The following ADCY8 variants were observed in gnomAD, a reference collection of about 807,000 sequenced individuals.
ADCY8 encodes the protein adenylate cyclase 8, also known as adenylate cyclase type 8.
In ADCY8, 51 loss-of-function variants were observed where a neutral mutation model predicts 119.7. The ratio of observed to expected loss-of-function variants is 0.43; its 90% CI spans 0.34 to 0.54. The LOEUF (loss-of-function observed/expected upper bound fraction) is 0.54. Among genes scored for constraint, ADCY8 ranks in the 20% least tolerant of loss-of-function variants. The pLI, the probability that ADCY8 is intolerant of heterozygous loss-of-function variation, is 0.03. For missense variants in ADCY8, 1,383 were observed against 1,598.8 expected, an observed-to-expected ratio of 0.87 and a Z score of 2.30; for synonymous variants, 665 against 651.0, an observed-to-expected ratio of 1.02 and a Z score of -0.33.
intron 14 of ADCY8, among the ~76,000 whole-genome samples, chr8:130,803,348 T>C (rs1433364280): frequency 6.6e-6 from 1 of 152,196 alleles, no homozygotes; most frequent in Admixed American, 6.5e-5. Flanking sequence ...AACTCTACAG[T>C]ATAGCCCTTG....
At chr8:130,918,908 A>G (rs1820212420) in intron 5 of ADCY8, among the ~76,000 whole-genome samples, 2 of 152,316 alleles carry the variant, frequency 1.3e-5, no homozygotes, top group South Asian at 4.1e-4. Context: ...TAAAAATACA[A>G]AAATTAGCTG....
chr8:130,828,920 C>T (rs1816745661), intron 12 of ADCY8, among the ~76,000 whole-genome samples: 1 of 152,132 alleles, frequency 6.6e-6, no homozygotes, highest in Non-Finnish European at 1.5e-5. Flanking sequence ...AGCACACTTC[C>T]TTTATAAAGG....
chr8:130,895,935 G>A lies in ADCY8; in HGVS notation c.1911+7837C>T, dbSNP rs567577217. Among the ~76,000 whole-genome samples the A allele has an allele frequency of 3.2e-3, 480 of 152,242 alleles. 7 individuals are homozygous for A. Among genetic ancestry groups the A allele is most frequent in the Non-Finnish European group, 1.9e-3 (126 of 67,998 alleles). Reference sequence around the variant, plus strand: ...AAGATCAAGATTCAATATTTCAGGTGTTTTTAGGGGGAGGAATTTCAGGTC... The same window carrying A: ...AAGATCAAGATTCAATATTTCAGGTATTTTTAGGGGGAGGAATTTCAGGTC... On this transcript the variant is annotated intron_variant, in intron 7 of 17. Coordinates refer to ENST00000286355, the MANE Select transcript of ADCY8 (RefSeq NM_001115.3).
chr8:131,026,002 C>T (rs572983833), intron 1 of ADCY8, among the ~76,000 whole-genome samples: 14 of 152,248 alleles, frequency 9.2e-5, no homozygotes, highest in Non-Finnish European at 2.1e-4. Flanking sequence ...AGCACCCCTA[C>T]TGCCTGCATG....
intron 7 of ADCY8, among the ~76,000 whole-genome samples, chr8:130,886,432 G>C (rs141735019): frequency 6.6e-6 from 1 of 152,072 alleles, no homozygotes; most frequent in Non-Finnish European, 1.5e-5. Flanking sequence ...GGATACATGC[G>C]GGGCCAGAGA....
At chr8:130,986,199 C>G (rs1022422410) in intron 2 of ADCY8, among the ~76,000 whole-genome samples, 10 of 152,190 alleles carry the variant, frequency 6.6e-5, no homozygotes, top group Non-Finnish European at 2.9e-5. Flanking sequence ...CTGTCCCAGT[C>G]TCTCCTGAAT....
chr8:130,944,691 G>C (rs971083730), intron 3 of ADCY8, among the ~76,000 whole-genome samples: 1 of 152,016 alleles, frequency 6.6e-6, no homozygotes, highest in Non-Finnish European at 1.5e-5. Context: ...TCACTTAAAG[G>C]GATTTTTACC....
intron 5 of ADCY8, among the ~76,000 whole-genome samples, chr8:130,926,834 T>G (rs1192533802): frequency 6.6e-6 from 1 of 152,104 alleles, no homozygotes; most frequent in African/African-American, 2.4e-5. Context: ...CACGAGGTAT[T>G]TATCTACCTG....
chr8:130,855,298 G>C (rs1269512388), intron 9 of ADCY8, among the ~76,000 whole-genome samples: 1 of 152,078 alleles, frequency 6.6e-6, no homozygotes, highest in Non-Finnish European at 1.5e-5. Context: ...GAGTTGGAGA[G>C]GGAACCAGCA....
At chr8:130,954,636 C>T (rs764099684) in intron 2 of ADCY8, among the ~76,000 whole-genome samples, 71 of 152,296 alleles carry the variant, frequency 4.7e-4, no homozygotes, top group Non-Finnish European at 1.0e-4. Flanking sequence ...TATACTCAAC[C>T]TTTACTATAG....
At chr8:130,806,952 AGTC>A (rs1374319774) in intron 14 of ADCY8, among the ~76,000 whole-genome samples, 1 of 152,196 alleles carries the variant, frequency 6.6e-6, no homozygotes, top group African/African-American at 2.4e-5. Context: ...AACTCACTCC[AGTC>A]AACAGCCTTG....
At chr8:130,796,429 G>A (rs1815580127) in intron 15 of ADCY8, among the ~76,000 whole-genome samples, 1 of 152,152 alleles carries the variant, frequency 6.6e-6, no homozygotes, top group Admixed American at 6.5e-5. Flanking sequence ...CAGTCTTGGA[G>A]ATGTGATCTG....
chr8:130,947,896 T>C (rs889864842), intron 3 of ADCY8, among the ~76,000 whole-genome samples: 1 of 152,058 alleles, frequency 6.6e-6, no homozygotes, highest in African/African-American at 2.4e-5. Flanking sequence ...AATCCACCTG[T>C]CACTAGGAAA....
At chr8:130,863,119 A>G (rs1455312183) in intron 9 of ADCY8, among the ~76,000 whole-genome samples, 1 of 152,086 alleles carries the variant, frequency 6.6e-6, no homozygotes, top group African/African-American at 2.4e-5. Flanking sequence ...TTTCAATTCT[A>G]TCTGTTTTTG....
chr8:130,925,480 T>TAAG (rs1466401802), intron 5 of ADCY8, among the ~76,000 whole-genome samples: 2 of 152,144 alleles, frequency 1.3e-5, no homozygotes, highest in East Asian at 3.9e-4. Flanking sequence ...GGCTATAAGT[T>TAAG]AAGTCACCCA....
At chr8:130,950,204 T>TTTACC in intron 3 of ADCY8, among the ~76,000 whole-genome samples, 1 of 152,194 alleles carries the variant, frequency 6.6e-6, no homozygotes, top group African/African-American at 2.4e-5. Context: ...AAGTTTTACC[T>TTTACC]TATGATATTT....
intron 2 of ADCY8, among the ~76,000 whole-genome samples, chr8:130,957,399 A>G (rs1195329220): frequency 1.3e-5 from 2 of 152,198 alleles, no homozygotes; most frequent in Non-Finnish European, 2.9e-5. Flanking sequence ...TCAAGAGATG[A>G]CTTGGGTGCT....
chr8:131,006,619 C>A (rs1339356532), intron 1 of ADCY8, among the ~76,000 whole-genome samples: 2 of 152,108 alleles, frequency 1.3e-5, no homozygotes, highest in Non-Finnish European at 2.9e-5. Flanking sequence ...TCTTAGGAAG[C>A]TTACATTTTC....
chr8:130,926,940 C>CATAT (rs10572208), intron 5 of ADCY8, among the ~76,000 whole-genome samples: 1,873 of 145,074 alleles, frequency 0.013, 70 homozygotes, highest in African/African-American at 0.044. Context: ...TATTCCATTA[C>CATAT]ATATATATAT....
Sources: allele counts gnomAD v4.1 joint callset (sites outside exome capture counted in the v4.1 genomes callset), GRCh38; gene constraint gnomAD v4.1.1; transcripts MANE v1.5; gene names NCBI Gene and HGNC (gene_info 2026-07-23, HGNC 2026-07-21).